The following TMC6 variants were observed in gnomAD, a reference collection of about 807,000 sequenced individuals.
TMC6 encodes transmembrane channel-like protein 6.
In TMC6, 71 loss-of-function variants were observed where a neutral mutation model predicts 95.4. The ratio of observed to expected loss-of-function variants is 0.74; its 90% confidence interval spans 0.61 to 0.91. The LOEUF is 0.91. TMC6 is among the 40% of genes least tolerant of loss of function. The pLI, the probability that TMC6 is intolerant of heterozygous loss-of-function variation, is 0.00. For missense variants in TMC6, 1,074 were observed against 1,079.1 expected (o/e 1.00, Z 0.07); for synonymous variants, 514 against 483.1 (o/e 1.06, Z -0.84).
Position 78,124,671 on chromosome 17 carries a change from G to T in TMC6, c.744C>A (p.Tyr248Ter), listed in dbSNP as rs121908329. The change falls in exon 8 of 20, where the codon TAC (tyrosine) becomes TAA (stop). Residue 248 changes from tyrosine (Y) to a stop codon, truncating the protein, a stop_gained. Coordinates refer to ENST00000590602, the MANE Select transcript of TMC6 (RefSeq NM_001127198.5). LOFTEE classifies it high-confidence loss of function. ...GGQFGSSVLS[Y>*]FLFLKTLLAF... ...CCAGCAGGGTCTTGAGAAAGAGGAA[G>T]TAGGAGAGCACGCTGGAGCCGAACT... 42 of 1,609,748 alleles carry T rather than the reference G, an allele frequency of 2.6e-5. No homozygotes were observed. The highest frequency in any genetic ancestry group is 1.8e-4 in the East Asian group (8 of 44,752).
At chr17:78,128,947 ATTCCAGCCCC>A (rs2074886654), upstream of TMC6, among the ~76,000 whole-genome samples, 2 of 151,860 alleles carry the variant, frequency 1.3e-5, no homozygotes, top group Admixed American at 6.5e-5. This position sits in a 1 kb window ranked among gnomAD's most constrained non-coding sequence, Gnocchi z 4.0. Context: ...GGCTGGATTC[ATTCCAGCCCC>A]TGGTTGAAGT....
chr17:78,113,344 C>T, intron 19 of TMC6, 133 bp from the exon 20 acceptor site: 1 of 1,266,738 alleles, frequency 7.9e-7, no homozygotes, highest in Non-Finnish European at 1.1e-6. Flanking sequence ...TATTTTAGGT[C>T]CCTGTCAAAA....
rs1364224443 is a variant in TMC6 at position 78,113,616 on chromosome 17, C to T, written c.2286G>A (p.Glu762=). The T allele has an allele frequency of 1.9e-6, 3 of 1,613,666 alleles. No individual in the cohort carries two copies. The highest frequency in any genetic ancestry group is 2.2e-5 in the East Asian group (1 of 44,884). The part of the protein sequence containing the change: ...LLKEQISNEG[E]DKIFLINKLH... ...GCTTGTTGATTAAGAAGATTTTGTC[C>T]TCACCCTCCTAGAAAGGCCAGAACA... The change falls in exon 19 of 20, where the codon GAG becomes GAA. Residue 762 remains glutamate (E), a synonymous_variant. Transcript: ENST00000590602.
At chr17:78,113,816 A>G (rs2073917548) in intron 18 of TMC6, 192 bp from the exon 19 acceptor site, 1 of 644,912 alleles carries the variant, frequency 1.6e-6, no homozygotes, top group Non-Finnish European at 2.8e-6. Context: ...AAGTGGGCGT[A>G]TGTGTGGATC....
intron 13 of TMC6, chr17:78,119,742 C>G (rs1178898314): frequency 2.5e-6 from 1 of 403,578 alleles, no homozygotes; most frequent in Non-Finnish European, 4.7e-6. Context: ...TCAAGCAGTC[C>G]TCCCACCTCA....
intron 15 of TMC6, 79 bp from the exon 16 acceptor site, chr17:78,118,014 A>C: frequency 6.5e-7 from 1 of 1,549,186 alleles, no homozygotes; most frequent in South Asian, 1.2e-5. Flanking sequence ...CTCAAGAGGG[A>C]AGGGCGACCA....
At position 78,125,907 on chromosome 17, in the gene TMC6, C is replaced by A. The variant is rs1367732465; in HGVS notation, c.272-23G>T. On this transcript the variant is annotated intron_variant, in intron 4 of 19. Coordinates refer to ENST00000590602, the MANE Select transcript of TMC6 (RefSeq NM_001127198.5). The stretch of plus-strand genomic sequence containing the variant: ...GGCCTATGGAGGCAGCTGGGCAGGG[C>A]CGGGCCGGGCAGGGCCAGGCCTCCC... The A allele has an allele frequency of 5.8e-6, 9 of 1,549,934 alleles. No individual in the cohort carries two copies. In the Admixed American group the frequency reaches 1.8e-4, roughly 30 times the overall value.
chr17:78,117,059 G>A (rs1039088806), intron 18 of TMC6, among the ~76,000 whole-genome samples: 1 of 152,208 alleles, frequency 6.6e-6, no homozygotes, highest in Admixed American at 6.5e-5. Flanking sequence ...GGGGCCCTGC[G>A]GGTCCTTGGG....
At chr17:78,124,229 C>A (rs543403239) in intron 8 of TMC6, 50 bp from the exon 9 acceptor site, 2 of 1,603,734 alleles carry the variant, frequency 1.2e-6, no homozygotes. Flanking sequence ...ACGCCCCACC[C>A]GACCCTCAGG....
rs1209356916 is a variant in TMC6, at chr17:78,125,338, G to C, written c.431-75C>G. 6 of 1,344,866 alleles carry C rather than the reference G, an allele frequency of 4.5e-6. No homozygotes were observed. The African/African-American group carries it at 8.7e-5, about 19-fold the overall frequency. The allele number at this position is 1,344,866 out of a possible 1,614,324, so 83.3% of individuals were successfully genotyped here. Reference sequence around the variant, plus strand: ...CAGCCCGAAGCCGGGACCCTGGTCAGGCCTGTGTGTCCCTGCGGCACCGTC... The same window carrying C: ...CAGCCCGAAGCCGGGACCCTGGTCACGCCTGTGTGTCCCTGCGGCACCGTC... On this transcript the variant is annotated intron_variant, in intron 5 of 19. Coordinates refer to ENST00000590602, the MANE Select transcript of TMC6 (RefSeq NM_001127198.5).
At chr17:78,123,023 A>G (rs2074492628) in intron 9 of TMC6, 1 of 554,064 alleles carries the variant, frequency 1.8e-6, no homozygotes, top group Non-Finnish European at 3.3e-6. Context: ...CGAGACATGG[A>G]CCAGAAGATG....
chr17:78,123,275 G>A (rs1211069229), intron 9 of TMC6, among the ~76,000 whole-genome samples: 3 of 152,226 alleles, frequency 2.0e-5, no homozygotes, highest in African/African-American at 7.2e-5. Context: ...AGCCCCCCTA[G>A]GACATTTACC....
upstream of TMC6, chr17:78,132,201 C>T: frequency 1.5e-6 from 2 of 1,371,642 alleles, no homozygotes; most frequent in South Asian, 1.3e-5. Flanking sequence ...CTCGGGCCCA[C>T]GCAGCACCCC....
intron 8 of TMC6, 167 bp from the exon 9 acceptor site, chr17:78,124,346 C>A (rs773032309): frequency 1.5e-6 from 2 of 1,339,688 alleles, no homozygotes; most frequent in Non-Finnish European, 2.0e-6. Flanking sequence ...CCATGGGAAC[C>A]CCAGCACGAT....
rs368193907 is a variant in TMC6, at chr17:78,124,683, G to A, written c.732C>T (p.Ser244=). The A allele has an allele frequency of 2.2e-4, 356 of 1,606,286 alleles. 1 individual carries two copies. The highest frequency in any genetic ancestry group is 3.8e-4 in the South Asian group (34 of 90,246). The part of the protein sequence containing the change: ...LKRIGGQFGS[S]VLSYFLFLKT... ...TGAGAAAGAGGAAGTAGGAGAGCAC[G>A]CTGGAGCCGAACTGGCCCCCGATGC... Residue 244 remains serine (S), a synonymous_variant, in exon 8 of 20, where the codon AGC becomes AGT. Coordinates refer to ENST00000590602, the MANE Select transcript of TMC6 (RefSeq NM_001127198.5).
At chr17:78,119,216 G>A in intron 14 of TMC6, 81 bp downstream of exon 14, 1 of 1,571,214 alleles carries the variant, frequency 6.4e-7, no homozygotes, top group Non-Finnish European at 8.8e-7. Context: ...GGCCCCAGGG[G>A]GAGGCAGGTA....
In TMC6 at chr17:78,117,582, C is replaced by T; in HGVS notation, c.2084G>A (p.Arg695Lys). The change falls in exon 17 of 20, where the codon AGG becomes AAG. Residue 695 changes from arginine to lysine, a missense_variant. Physicochemically the swap from Arg to Lys is conservative, Grantham distance 26 (BLOSUM62 2). Transcript: ENST00000590602. ...CGCCTCCAGGTGGCGCACCCACACCCTGCCGGCCTCGTACATGGTGTCCAG... is the reference window on the plus strand; with the variant it reads ...CGCCTCCAGGTGGCGCACCCACACCTTGCCGGCCTCGTACATGGTGTCCAG... ...RTLDTMYEAG[R>K]VWVRHLEAAG... 2.5e-6 allele frequency: 4 copies of T among 1,585,390 alleles called. No individual in the cohort carries two copies. The highest frequency in any genetic ancestry group is 3.4e-6 in the Non-Finnish European group (4 of 1,167,416).
At chr17:78,127,699 T>G (rs2074797226) in intron 1 of TMC6, among the ~76,000 whole-genome samples, 1 of 152,222 alleles carries the variant, frequency 6.6e-6, no homozygotes, top group Non-Finnish European at 1.5e-5. Flanking sequence ...GGACTCCTCC[T>G]GCGCTCACCC....
At chr17:78,131,862 C>G (rs898455997), upstream of TMC6, 12 of 1,461,962 alleles carry the variant, frequency 8.2e-6, no homozygotes, top group Non-Finnish European at 1.1e-5. Flanking sequence ...AGGGGCGCCC[C>G]TGTCACCACC....
Sources: gnomAD v4.1 joint callset for allele counts (sites outside exome capture counted in the v4.1 genomes callset) on GRCh38, gnomAD v4.1.1 for gene constraint, Gnocchi (gnomAD v3.1) non-coding constraint, MANE v1.5 for transcripts, NCBI Gene and HGNC (gene_info 2026-07-23, HGNC 2026-07-21) for gene names.